FBXW8: variants seen among roughly 807,000 people sequenced by gnomAD.
FBXW8 encodes F-box/WD repeat-containing protein 8.
A neutral mutation model predicts 65.3 loss-of-function variants in FBXW8; 57 were observed. The ratio of observed to expected loss-of-function variants is 0.87; its 90% CI spans 0.71 to 1.09. FBXW8 has a LOEUF of 1.09. Among genes scored for constraint, FBXW8 ranks in the 50% least tolerant of loss-of-function variants. FBXW8 has a pLI of 0.00. For missense variants in FBXW8, 777 were observed against 814.8 expected (o/e 0.95, Z 0.57); for synonymous variants, 308 against 330.2 (o/e 0.93, Z 0.73).
At chr12:116,944,391 T>G (rs191473599) in intron 2 of FBXW8, among the ~76,000 whole-genome samples, 30 of 152,332 alleles carry the variant, frequency 2.0e-4, no homozygotes, top group Non-Finnish European at 1.5e-5. Context: ...TCTGGTCTCC[T>G]ACTTTCTCTC....
intron 1 of FBXW8, among the ~76,000 whole-genome samples, chr12:116,926,975 A>G (rs1881374737): frequency 6.6e-6 from 1 of 152,090 alleles, no homozygotes; most frequent in Non-Finnish European, 1.5e-5. Flanking sequence ...GCCTTGCAAT[A>G]CATAAGACCG....
chr12:117,014,567 ATCC>A (rs1448385552), intron 8 of FBXW8, among the ~76,000 whole-genome samples: 1 of 152,170 alleles, frequency 6.6e-6, no homozygotes. Flanking sequence ...CTGTTATGTA[ATCC>A]TCCAACGAAT....
chr12:116,919,767 T>C (rs1880737333), intron 1 of FBXW8, among the ~76,000 whole-genome samples: 1 of 152,174 alleles, frequency 6.6e-6, no homozygotes, highest in South Asian at 2.1e-4. Flanking sequence ...TTAGAACCCT[T>C]GAACATTCAA....
In FBXW8 at chr12:116,911,298, G is replaced by T; in HGVS notation, c.261G>T (p.Leu87=). The part of the protein sequence containing the change: ...QDVASRSRSP[L]AREGAGGGEQ... ...TAGCGAGCCGCTCACGTTCTCCTCT[G>T]GCCCGCGAGGGCGCCGGGGGCGGGG... is the stretch of plus-strand genomic sequence containing the variant. The change falls in exon 1 of 11, where the codon CTG becomes CTT. Residue 87 remains leucine, a synonymous_variant. Coordinates refer to ENST00000652555, the MANE Select transcript of FBXW8 (RefSeq NM_153348.3). 1 of 1,283,976 alleles carries T rather than the reference G, an allele frequency of 7.8e-7. No individual in the cohort carries two copies. Among genetic ancestry groups the T allele is most frequent in the Non-Finnish European group, 9.8e-7 (1 of 1,018,670 alleles). The allele number at this position is 1,283,976 out of a possible 1,614,324, so 79.5% of individuals were successfully genotyped here.
chr12:117,014,234 T>C (rs553879072), intron 8 of FBXW8, among the ~76,000 whole-genome samples: 113 of 152,142 alleles, frequency 7.4e-4, no homozygotes, highest in Non-Finnish European at 1.1e-3. Context: ...CCAGTGAATC[T>C]TTTATTTCAG....
chr12:116,955,042 G>C (rs572524655), intron 4 of FBXW8, among the ~76,000 whole-genome samples: 7 of 150,974 alleles, frequency 4.6e-5, no homozygotes, highest in African/African-American at 1.5e-4. Context: ...GAAATGGGGG[G>C]GGGGGGCCCT....
At chr12:116,947,750 A>AAAAAAAAAAAAAAG (rs1555218999) in intron 3 of FBXW8, among the ~76,000 whole-genome samples, 1 of 137,660 alleles carries the variant, frequency 7.3e-6, no homozygotes, top group Non-Finnish European at 1.5e-5. Flanking sequence ...AAAAAAAAAA[A>AAAAAAAAAAAAAAG]AAAAGAAAAG....
At chr12:116,951,154 C>T (rs1003840520) in intron 4 of FBXW8, 4 of 152,228 alleles carry the variant, frequency 2.6e-5, no homozygotes, top group African/African-American at 9.7e-5. Context: ...CAGCACAGAG[C>T]ACGATGGCCA....
At chr12:116,917,403 A>G (rs1206669565) in intron 1 of FBXW8, among the ~76,000 whole-genome samples, 1 of 152,144 alleles carries the variant, frequency 6.6e-6, no homozygotes, top group Non-Finnish European at 1.5e-5. Context: ...CTTTAACAGA[A>G]GCTGATCCAC....
At chr12:116,952,703 C>G (rs1273142859) in intron 4 of FBXW8, among the ~76,000 whole-genome samples, 2 of 152,114 alleles carry the variant, frequency 1.3e-5, no homozygotes, top group African/African-American at 4.8e-5. Context: ...TATTTTCTTT[C>G]CAGCAATTTG....
intron 6 of FBXW8, 95 bp downstream of exon 6, chr12:116,985,497 T>C (rs1885616405): frequency 1.6e-6 from 2 of 1,238,440 alleles, no homozygotes; most frequent in African/African-American, 3.0e-5. Flanking sequence ...TCCCATTCAC[T>C]CAGAGCTTCC....
intron 1 of FBXW8, among the ~76,000 whole-genome samples, chr12:116,921,359 A>G (rs1052391758): frequency 6.6e-6 from 1 of 152,234 alleles, no homozygotes; most frequent in Admixed American, 6.5e-5. Flanking sequence ...AAATGTTAAG[A>G]GACGAATTGT....
chr12:116,942,514 A>G (rs1321560809), intron 2 of FBXW8, among the ~76,000 whole-genome samples: 1 of 151,066 alleles, frequency 6.6e-6, no homozygotes, highest in African/African-American at 2.4e-5. Context: ...AGCTGGGATT[A>G]CAGGTGCACG....
At position 116,988,311 on chromosome 12, in the gene FBXW8, C is replaced by T. The variant is rs11068278; in HGVS notation, c.1033-352C>T. On this transcript the variant is annotated intron_variant, in intron 6 of 10. Transcript: ENST00000652555. ...ATACAAGTTGGACAAGATTATATCC[C>T]CACCAGCAGTAAGTGGGATCCAGAA... 8.2e-3 allele frequency among the ~76,000 whole-genome samples: 1,252 copies of T among 152,250 alleles called. 55 individuals are homozygous for T. In the South Asian group the frequency reaches 0.1, roughly 13 times the overall value.
At chr12:116,926,340 T>C (rs1409408318) in intron 1 of FBXW8, among the ~76,000 whole-genome samples, 1 of 152,168 alleles carries the variant, frequency 6.6e-6, no homozygotes, top group African/African-American at 2.4e-5. Flanking sequence ...CTTTACCAAG[T>C]AGGTAAAGTA....
intron 5 of FBXW8, among the ~76,000 whole-genome samples, chr12:116,970,129 C>T (rs1181350204): frequency 6.6e-6 from 1 of 152,204 alleles, no homozygotes; most frequent in Non-Finnish European, 1.5e-5. Flanking sequence ...TGGCCTCGTG[C>T]CACAGCATTA....
intron 1 of FBXW8, among the ~76,000 whole-genome samples, chr12:116,924,257 A>C (rs985938258): frequency 6.6e-6 from 1 of 151,934 alleles, no homozygotes; most frequent in African/African-American, 2.4e-5. Context: ...TGTGCTTCGC[A>C]GTAGTCTAGG....
chr12:116,990,687 T>C (rs1953218367), intron 7 of FBXW8, among the ~76,000 whole-genome samples: 1 of 152,236 alleles, frequency 6.6e-6, no homozygotes, highest in Admixed American at 6.5e-5. Context: ...AATGGATACA[T>C]TTGAGAAACT....
intron 2 of FBXW8, among the ~76,000 whole-genome samples, chr12:116,933,723 T>G (rs1191160861): frequency 3.9e-5 from 6 of 152,258 alleles, no homozygotes; most frequent in Non-Finnish European, 8.8e-5. Flanking sequence ...ATGGAGCTCT[T>G]ACATGAGAAT....
Sources: allele counts gnomAD v4.1 joint callset (sites outside exome capture counted in the v4.1 genomes callset), GRCh38; gene constraint gnomAD v4.1.1; transcripts MANE v1.5; gene names NCBI Gene and HGNC (gene_info 2026-07-23, HGNC 2026-07-21).